CEP85L: variants seen among roughly 807,000 people sequenced by gnomAD.
CEP85L encodes the protein centrosomal protein of 85 kDa-like.
In CEP85L, 60 loss-of-function variants were observed where a neutral mutation model predicts 100.3. That is an observed-to-expected ratio of 0.60 (90% CI 0.49 to 0.74). CEP85L has a LOEUF of 0.74. CEP85L is among the 30% of genes least tolerant of loss of function. The pLI, the probability that CEP85L is intolerant of heterozygous loss-of-function variation, is 0.00. For missense variants in CEP85L, 973 were observed against 936.2 expected, an observed-to-expected ratio of 1.04 and a Z score of -0.51; for synonymous variants, 319 against 322.7, an observed-to-expected ratio of 0.99 and a Z score of 0.12.
chr6:118,702,259 C>T (rs1438203437), intron 1 of CEP85L, among the ~76,000 whole-genome samples: 1 of 151,994 alleles, frequency 6.6e-6, no homozygotes, highest in Non-Finnish European at 1.5e-5. Context: ...GCCTATAATC[C>T]CAGCACTTTG....
chr6:118,706,415 G>T (rs1777594959), intron 1 of CEP85L, among the ~76,000 whole-genome samples: 2 of 152,126 alleles, frequency 1.3e-5, no homozygotes, highest in African/African-American at 4.8e-5. Flanking sequence ...CTACTCTAAG[G>T]TATTCTAAGA....
chr6:118,680,391 GA>G (rs1190545228), intron 1 of CEP85L, among the ~76,000 whole-genome samples: 1 of 109,534 alleles, frequency 9.1e-6, no homozygotes. Flanking sequence ...CAAAAATATA[GA>G]AAAGTTCAAA....
chr6:118,554,485 T>G (rs973931876), intron 3 of CEP85L, among the ~76,000 whole-genome samples: 2 of 152,208 alleles, frequency 1.3e-5, no homozygotes, highest in Non-Finnish European at 2.9e-5. Context: ...CTAATAGTTT[T>G]AGTCATAAAA....
At chr6:118,506,225 T>C (rs1775648783) in intron 5 of CEP85L, among the ~76,000 whole-genome samples, 1 of 152,136 alleles carries the variant, frequency 6.6e-6, no homozygotes, top group East Asian at 1.9e-4. Flanking sequence ...ACAAAAACAG[T>C]GACTCAGGAG....
upstream of CEP85L, chr6:118,652,546 C>T (rs1775629299): frequency 7.1e-7 from 1 of 1,418,328 alleles, no homozygotes; most frequent in Non-Finnish European, 9.2e-7. Flanking sequence ...GGTCGCTTAA[C>T]TAGAGAGGCT....
intron 5 of CEP85L, among the ~76,000 whole-genome samples, chr6:118,492,080 C>T (rs151226350): frequency 3.0e-4 from 46 of 152,114 alleles, no homozygotes; most frequent in African/African-American, 1.0e-3. Flanking sequence ...ATCTCTAAAA[C>T]AGAAACAATA....
At chr6:118,587,931 A>G (rs1037706808) in intron 2 of CEP85L, among the ~76,000 whole-genome samples, 1 of 152,210 alleles carries the variant, frequency 6.6e-6, no homozygotes, top group Non-Finnish European at 1.5e-5. Context: ...GTCTCTCACA[A>G]GCCACAACTT....
At chr6:118,589,365 T>G in intron 2 of CEP85L, 1 of 244,770 alleles carries the variant, frequency 4.1e-6, no homozygotes. Flanking sequence ...TATCCTCAGA[T>G]GGCTTTCGGC....
chr6:118,473,534 A>T (rs898073808), intron 10 of CEP85L, among the ~76,000 whole-genome samples: 4 of 151,884 alleles, frequency 2.6e-5, no homozygotes, highest in Non-Finnish European at 5.9e-5. Context: ...GGGCCTCAGA[A>T]ATCAGTATAA....
At chr6:118,642,809 G>A (rs752697205) in intron 1 of CEP85L, among the ~76,000 whole-genome samples, 10 of 151,998 alleles carry the variant, frequency 6.6e-5, no homozygotes, top group Non-Finnish European at 1.5e-4. Context: ...TGTAATCCCA[G>A]CTACTTGGGA....
At chr6:118,491,242 T>C (rs972835451) in intron 6 of CEP85L, among the ~76,000 whole-genome samples, 206 of 125,542 alleles carry the variant, frequency 1.6e-3, no homozygotes, top group South Asian at 3.0e-3. Context: ...CACACACATA[T>C]GCATGCATAT....
chr6:118,530,803 G>T (rs1433855059), intron 3 of CEP85L, among the ~76,000 whole-genome samples: 2 of 151,488 alleles, frequency 1.3e-5, no homozygotes, highest in Non-Finnish European at 2.9e-5. Context: ...AACTAGGGAA[G>T]TAAAAGAGCT....
At chr6:118,510,764 A>G (rs113482028) in intron 5 of CEP85L, among the ~76,000 whole-genome samples, 26 of 152,316 alleles carry the variant, frequency 1.7e-4, no homozygotes, top group African/African-American at 4.6e-4. Flanking sequence ...ATAAAAGGTT[A>G]TTCTTTACAG....
At position 118,546,310 on chromosome 6, in the gene CEP85L, T is replaced by C. The variant is rs370469585; in HGVS notation, c.1020+19219A>G. 2.2e-4 allele frequency among the ~76,000 whole-genome samples: 34 copies of C among 152,278 alleles called. 1 individual carries two copies. In the South Asian group the frequency reaches 7.1e-3, roughly 32 times the overall value. On this transcript the variant is annotated intron_variant, in intron 3 of 12. Transcript: ENST00000368491. ...TGTTAGTATCCTTCTAAGGTGTGTA[T>C]ATGCCTATGTATACTTTTTAAGTAA...
At chr6:118,543,550 T>C (rs1449436489) in intron 3 of CEP85L, among the ~76,000 whole-genome samples, 1 of 152,174 alleles carries the variant, frequency 6.6e-6, no homozygotes, top group African/African-American at 2.4e-5. Context: ...TTCTGAATTA[T>C]AAGAGATATT....
chr6:118,599,613 T>C (rs1430814516), intron 2 of CEP85L, among the ~76,000 whole-genome samples: 1 of 152,084 alleles, frequency 6.6e-6, no homozygotes, highest in East Asian at 1.9e-4. Flanking sequence ...AGTATGATTT[T>C]AAAAAATAAT....
chr6:118,690,841 A>G (rs1777014698), intron 1 of CEP85L, among the ~76,000 whole-genome samples: 1 of 151,974 alleles, frequency 6.6e-6, no homozygotes, highest in East Asian at 1.9e-4. Context: ...TCCAAAAATA[A>G]TAAAAAATTA....
chr6:118,579,572 T>C (rs1780447721), intron 2 of CEP85L, among the ~76,000 whole-genome samples: 1 of 152,198 alleles, frequency 6.6e-6, no homozygotes, highest in African/African-American at 2.4e-5. Flanking sequence ...AATCAAACTA[T>C]CATGGGATGT....
intron 2 of CEP85L, among the ~76,000 whole-genome samples, chr6:118,617,146 G>A (rs896874530): frequency 6.6e-6 from 1 of 152,126 alleles, no homozygotes; most frequent in Non-Finnish European, 1.5e-5. Context: ...GTAGGGGCTT[G>A]GAAAGCTGTA....
Sources: gnomAD v4.1 joint callset for allele counts (sites outside exome capture counted in the v4.1 genomes callset) on GRCh38, gnomAD v4.1.1 for gene constraint, MANE v1.5 for transcripts, NCBI Gene and HGNC (gene_info 2026-07-23, HGNC 2026-07-21) for gene names.